ABLIM1: variants seen among roughly 807,000 people sequenced by gnomAD.
ABLIM1 encodes the protein actin binding LIM protein 1.
In ABLIM1, 40 loss-of-function variants were observed where a neutral mutation model predicts 107.0. That is an observed-to-expected ratio of 0.37 (90% confidence interval 0.29 to 0.49). ABLIM1 has a LOEUF of 0.49. ABLIM1 is among the 20% of genes least tolerant of loss of function. The pLI, the probability that ABLIM1 is intolerant of heterozygous loss-of-function variation, is 0.97. For missense variants in ABLIM1, 857 were observed against 1,008.5 expected (o/e 0.85, Z 2.04); for synonymous variants, 357 against 357.3 (o/e 1.00, Z 0.01).
At chr10:114,477,514 A>T (rs986303454) in intron 8 of ABLIM1, among the ~76,000 whole-genome samples, 1 of 152,200 alleles carries the variant, frequency 6.6e-6, no homozygotes, top group African/African-American at 2.4e-5. Context: ...GGGCAAGGAT[A>T]CTTTCAGCCT....
chr10:114,673,256 T>TAA (rs10712808), intron 1 of ABLIM1, among the ~76,000 whole-genome samples: 1,594 of 130,134 alleles, frequency 0.012, 14 homozygotes, highest in Admixed American at 0.021. Flanking sequence ...AGACTCCAGC[T>TAA]AAAAAAAAAA....
chr10:114,730,674 G>A (rs1347845957), intron 1 of ABLIM1, among the ~76,000 whole-genome samples: 3 of 151,992 alleles, frequency 2.0e-5, no homozygotes, highest in East Asian at 1.9e-4. Context: ...GAGATACAAC[G>A]TACATATCAA....
At chr10:114,604,900 C>T (rs985151166) in intron 1 of ABLIM1, among the ~76,000 whole-genome samples, 7 of 152,160 alleles carry the variant, frequency 4.6e-5, no homozygotes, top group African/African-American at 7.2e-5. Flanking sequence ...TCTCTATGTC[C>T]GAACAAAGGA....
In ABLIM1 at chr10:114,613,841, T is replaced by C. The variant is rs1359519978; in HGVS notation, c.245-11880A>G. ...GGCTCCTTCAAGCTCTCTTATGACCTAATTTTGCTGGGTGTAACCTCTGCA... is the reference window on the plus strand; with the variant it reads ...GGCTCCTTCAAGCTCTCTTATGACCCAATTTTGCTGGGTGTAACCTCTGCA... On this transcript the variant is annotated intron_variant, in intron 1 of 22. Transcript: ENST00000533213. 1.1e-5 allele frequency: 9 copies of C among 833,528 alleles called. No homozygotes were observed. In the East Asian group the frequency reaches 5.1e-4, roughly 48 times the overall value. The allele number at this position is 833,528 out of a possible 1,614,324, so 51.6% of individuals were successfully genotyped here. A position where few individuals can be genotyped will look rare whatever the true frequency, so the allele number is the denominator to read the frequency against.
At position 114,506,111 on chromosome 10, in the gene ABLIM1, C is replaced by T. The variant is rs558430840; in HGVS notation, c.895-14233G>A. On this transcript the variant is annotated intron_variant, in intron 6 of 22. Transcript: ENST00000533213. Reference sequence around the variant, plus strand: ...TAGCTCCTGCTCATAAGTGAGAACACGAGGTATTTTTCTGTTCCTGTATTA... The same window carrying T: ...TAGCTCCTGCTCATAAGTGAGAACATGAGGTATTTTTCTGTTCCTGTATTA... Among the ~76,000 whole-genome samples the T allele has an allele frequency of 2.0e-5, 3 of 152,264 alleles. No homozygotes were observed. The South Asian group carries it at 6.2e-4, about 32-fold the overall frequency.
At chr10:114,506,305 C>T (rs1385290750) in intron 6 of ABLIM1, among the ~76,000 whole-genome samples, 2 of 152,180 alleles carry the variant, frequency 1.3e-5, no homozygotes, top group African/African-American at 4.8e-5. Flanking sequence ...CTATTGTGAA[C>T]AGTGCTGCAA....
intron 1 of ABLIM1, among the ~76,000 whole-genome samples, chr10:114,694,547 C>G (rs1332441630): frequency 3.3e-5 from 5 of 152,158 alleles, no homozygotes; most frequent in African/African-American, 1.2e-4. Flanking sequence ...GTTATTTTAT[C>G]TATACGTATC....
Position 114,629,730 on chromosome 10 carries a change from A to G in ABLIM1, c.245-27769T>C, listed in dbSNP as rs769328339. The stretch of plus-strand genomic sequence containing the variant: ...ACCCTTTCTGATCCCCAGTTTTCTC[A>G]TCTCTAGGATGAATGCCTGGACTAA... On this transcript the variant is annotated intron_variant, in intron 1 of 22. Coordinates refer to ENST00000533213, the MANE Select transcript of ABLIM1 (RefSeq NM_002313.7). The surrounding 1 kb of genome is among the most constrained non-coding windows in gnomAD (Gnocchi z 4.0). Among the ~76,000 whole-genome samples the G allele has an allele frequency of 2.0e-5, 3 of 152,144 alleles. No homozygotes were observed. Among genetic ancestry groups the G allele is most frequent in the Non-Finnish European group, 2.9e-5 (2 of 68,030 alleles).
intron 10 of ABLIM1, among the ~76,000 whole-genome samples, chr10:114,471,803 T>C (rs2066629284): frequency 6.6e-6 from 1 of 152,184 alleles, no homozygotes; most frequent in South Asian, 2.1e-4. Flanking sequence ...GCTAGATTGT[T>C]TATATTCTGT....
chr10:114,694,423 A>AG (rs1159966939), intron 1 of ABLIM1, among the ~76,000 whole-genome samples: 2 of 152,318 alleles, frequency 1.3e-5, no homozygotes, highest in East Asian at 1.9e-4. Flanking sequence ...AAAACTGGTA[A>AG]GGGGGGTGCA....
intron 4 of ABLIM1, among the ~76,000 whole-genome samples, chr10:114,550,230 T>A (rs1373821599): frequency 6.6e-6 from 1 of 152,162 alleles, no homozygotes; most frequent in Non-Finnish European, 1.5e-5. Context: ...GGGGTTTATA[T>A]GAATTCCAAC....
At chr10:114,444,174 C>G in intron 16 of ABLIM1, 40 bp from the exon 17 acceptor site, 1 of 1,435,456 alleles carries the variant, frequency 7.0e-7, no homozygotes, top group Non-Finnish European at 9.4e-7. Context: ...AAAAAGAAAG[C>G]AAAGCTTGCA....
intron 17 of ABLIM1, among the ~76,000 whole-genome samples, chr10:114,442,338 T>C (rs1319118990): frequency 1.3e-5 from 2 of 152,126 alleles, no homozygotes; most frequent in Non-Finnish European, 2.9e-5. Flanking sequence ...TGATACAGGG[T>C]ATCTGTCAAT....
chr10:114,491,747 T>C (rs772264506), intron 7 of ABLIM1, 44 bp downstream of exon 7: 1 of 1,509,960 alleles, frequency 6.6e-7, no homozygotes, highest in Non-Finnish European at 9.2e-7. Flanking sequence ...AGATTTCCTT[T>C]CCCCCAGCAA....
At chr10:114,678,495 T>C (rs757221157) in intron 1 of ABLIM1, among the ~76,000 whole-genome samples, 1 of 152,254 alleles carries the variant, frequency 6.6e-6, no homozygotes, top group Non-Finnish European at 1.5e-5. Context: ...GTCTGTAAAC[T>C]AATGCCTGCT....
the ABLIM1 span, among the ~76,000 whole-genome samples, chr10:114,787,703 G>A: frequency 1.6e-5 from 2 of 125,412 alleles, no homozygotes; most frequent in African/African-American, 5.6e-5. Flanking sequence ...CCGGGAGGGA[G>A]GTGGGGGGGT....
At chr10:114,776,443 T>C in the ABLIM1 span, among the ~76,000 whole-genome samples, 1 of 151,656 alleles carries the variant, frequency 6.6e-6, no homozygotes, top group Non-Finnish European at 1.5e-5. Flanking sequence ...TGAAACCTCA[T>C]CTCTACTAAA....
intron 6 of ABLIM1, 72 bp downstream of exon 6, chr10:114,544,930 GGTC>G (rs1298840183): frequency 7.5e-7 from 1 of 1,339,328 alleles, no homozygotes; most frequent in Non-Finnish European, 1.1e-6. Flanking sequence ...GGTGGGAAAG[GGTC>G]CCCTCTTGTT....
At chr10:114,789,328 C>A in the ABLIM1 span, among the ~76,000 whole-genome samples, 1 of 152,178 alleles carries the variant, frequency 6.6e-6, no homozygotes, top group African/African-American at 2.4e-5. Flanking sequence ...CTAATTAAAA[C>A]CTTTCGATGG....
Sources: gnomAD v4.1 joint callset for allele counts (sites outside exome capture counted in the v4.1 genomes callset) on GRCh38, gnomAD v4.1.1 for gene constraint, Gnocchi (gnomAD v3.1) non-coding constraint, MANE v1.5 for transcripts, NCBI Gene and HGNC (gene_info 2026-07-23, HGNC 2026-07-21) for gene names.